Variants in DAP observed in about 807,000 individuals in gnomAD.
DAP encodes death-associated protein 1.
A neutral mutation model predicts 13.8 loss-of-function variants in DAP; 8 were observed. The ratio of observed to expected loss-of-function variants is 0.58; its 90% CI spans 0.34 to 1.05. The LOEUF is 1.05. Ranked by LOEUF, DAP falls within the 50% of genes least tolerant of loss-of-function variation. The pLI is 0.03. For missense variants in DAP, 106 were observed against 133.2 expected (o/e 0.80, Z 1.01); for synonymous variants, 47 against 47.5 (o/e 0.99, Z 0.04).
intron 2 of DAP, among the ~76,000 whole-genome samples, chr5:10,737,840 T>C (rs1739655112): frequency 6.6e-6 from 1 of 152,248 alleles, no homozygotes; most frequent in African/African-American, 2.4e-5. Flanking sequence ...GTGGGATCTT[T>C]ATTAATCCAG....
At chr5:10,691,898 A>G (rs758091472) in intron 2 of DAP, among the ~76,000 whole-genome samples, 5 of 152,216 alleles carry the variant, frequency 3.3e-5, no homozygotes, top group African/African-American at 4.8e-5. Flanking sequence ...GACCACATCA[A>G]ACTCTTAAAA....
At chr5:10,690,399 C>CA (rs1738278355) in intron 2 of DAP, among the ~76,000 whole-genome samples, 3 of 152,140 alleles carry the variant, frequency 2.0e-5, no homozygotes, top group Non-Finnish European at 4.4e-5. Context: ...ATTATGCTAT[C>CA]ATCACCTTTA....
chr5:10,687,530 TGTG>T (rs144284404), intron 2 of DAP, among the ~76,000 whole-genome samples: 12,465 of 152,170 alleles, frequency 0.082, 692 homozygotes, highest in East Asian at 0.28. Flanking sequence ...TAACTGCAGA[TGTG>T]GTGAAAACAG....
At chr5:10,738,442 C>A (rs571610293) in intron 2 of DAP, among the ~76,000 whole-genome samples, 1 of 152,220 alleles carries the variant, frequency 6.6e-6, no homozygotes, top group Non-Finnish European at 1.5e-5. Context: ...TGGGGAGTGT[C>A]GTGTACCTCC....
intron 2 of DAP, among the ~76,000 whole-genome samples, chr5:10,688,135 C>T (rs893586559): frequency 2.0e-5 from 3 of 152,004 alleles, no homozygotes; most frequent in Admixed American, 6.6e-5. Context: ...AGGCTGGTCT[C>T]GAACTCCTGG....
In DAP at chr5:10,761,004, G is replaced by A. The variant is rs768425295; in HGVS notation, c.55+10C>T. 3.2e-6 allele frequency: 4 copies of A among 1,233,690 alleles called. No individual in the cohort carries two copies. Among genetic ancestry groups the A allele is most frequent in the Non-Finnish European group, 4.1e-6 (4 of 976,546 alleles). The allele number at this position is 1,233,690 out of a possible 1,614,324, so 76.4% of individuals were successfully genotyped here. A position where few individuals can be genotyped will look rare whatever the true frequency, so the allele number is the denominator to read the frequency against. Reference sequence around the variant, plus strand: ...ACCCGCGCGTGGAGAGAGAGGAAAAGAGTCAGTACCGGCGGGCGGGTGTCC... The same window carrying A: ...ACCCGCGCGTGGAGAGAGAGGAAAAAAGTCAGTACCGGCGGGCGGGTGTCC... On this transcript the variant is annotated intron_variant, in intron 1 of 3. Transcript: ENST00000230895.
chr5:10,710,108 CAG>C (rs1232575004), intron 2 of DAP, among the ~76,000 whole-genome samples: 1 of 152,178 alleles, frequency 6.6e-6, no homozygotes, highest in African/African-American at 2.4e-5. Flanking sequence ...AGAAACAAAA[CAG>C]GGAAAAATCA....
intron 2 of DAP, among the ~76,000 whole-genome samples, chr5:10,740,245 A>G (rs960607914): frequency 1.3e-5 from 2 of 152,224 alleles, no homozygotes; most frequent in African/African-American, 4.8e-5. Context: ...CTGAAATAGG[A>G]GAGGAAAAAA....
At chr5:10,760,884 G>T in intron 1 of DAP, 130 bp downstream of exon 1, 1 of 479,622 alleles carries the variant, frequency 2.1e-6, no homozygotes, top group Non-Finnish European at 3.1e-6. Context: ...CGCCCCTCGG[G>T]CGGGCATCAA....
At chr5:10,685,925 GACAC>G (rs111266561) in intron 2 of DAP, among the ~76,000 whole-genome samples, 1 of 151,830 alleles carries the variant, frequency 6.6e-6, no homozygotes, top group Admixed American at 6.6e-5. Flanking sequence ...CCCCTCTACA[GACAC>G]ACACACACAC....
At chr5:10,691,265 C>T (rs1231332713) in intron 2 of DAP, among the ~76,000 whole-genome samples, 1 of 152,234 alleles carries the variant, frequency 6.6e-6, no homozygotes, top group Non-Finnish European at 1.5e-5. Flanking sequence ...GTAACTTGTC[C>T]CGTGACAGAG....
At chr5:10,699,556 T>A (rs1240850389) in intron 2 of DAP, among the ~76,000 whole-genome samples, 2 of 152,224 alleles carry the variant, frequency 1.3e-5, no homozygotes, top group Non-Finnish European at 2.9e-5. Flanking sequence ...GTCTCTATTT[T>A]GATGTGGCCG....
At chr5:10,683,424 G>A in intron 3 of DAP, 105 bp downstream of exon 3, 1 of 1,086,118 alleles carries the variant, frequency 9.2e-7, no homozygotes, top group South Asian at 1.2e-5. Flanking sequence ...ATGAGCAGTG[G>A]TGCTGGGTTA....
intron 2 of DAP, among the ~76,000 whole-genome samples, chr5:10,730,644 A>G (rs1448369453): frequency 0.039 from 1,119 of 28,836 alleles, no homozygotes; most frequent in Middle Eastern, 0.091. Flanking sequence ...GAGCCCTGGT[A>G]GGGGGGAATC....
intron 2 of DAP, among the ~76,000 whole-genome samples, chr5:10,723,455 C>T (rs1353191324): frequency 6.6e-6 from 1 of 152,314 alleles, no homozygotes; most frequent in East Asian, 1.9e-4. Context: ...GCTACAAAAC[C>T]TTGGAAATAG....
intron 3 of DAP, among the ~76,000 whole-genome samples, chr5:10,682,087 G>C (rs1385755044): frequency 1.3e-5 from 2 of 150,176 alleles, no homozygotes; most frequent in African/African-American, 4.9e-5. Context: ...CAGCGTCCCT[G>C]CAAGAAGCGT....
chr5:10,682,667 T>G (rs1401387427), intron 3 of DAP, among the ~76,000 whole-genome samples: 1 of 152,182 alleles, frequency 6.6e-6, no homozygotes, highest in Admixed American at 6.5e-5. Flanking sequence ...CTTGTGGGTG[T>G]TAGGGGGCCT....
intron 2 of DAP, among the ~76,000 whole-genome samples, chr5:10,709,891 G>A (rs1738798555): frequency 6.6e-6 from 1 of 152,186 alleles, no homozygotes; most frequent in African/African-American, 2.4e-5. Flanking sequence ...GGGACCCAGG[G>A]CATCGGTATG....
intron 2 of DAP, among the ~76,000 whole-genome samples, chr5:10,735,394 A>C (rs2126669776): frequency 6.6e-6 from 1 of 152,314 alleles, no homozygotes; most frequent in Admixed American, 6.5e-5. Context: ...TGAATCATTA[A>C]CGAGAAATCC....
Sources: allele counts gnomAD v4.1 joint callset (sites outside exome capture counted in the v4.1 genomes callset), GRCh38; gene constraint gnomAD v4.1.1; transcripts MANE v1.5; gene names NCBI Gene and HGNC (gene_info 2026-07-23, HGNC 2026-07-21).